Variants in ZBTB38 observed in about 807,000 individuals in gnomAD.
ZBTB38 encodes zinc finger and BTB domain-containing protein 38.
A neutral mutation model predicts 76.8 loss-of-function variants in ZBTB38; 20 were observed. That is an observed-to-expected ratio of 0.26 (90% confidence interval 0.18 to 0.38). The LOEUF is 0.38. Among genes scored for constraint, ZBTB38 ranks in the 10% least tolerant of loss-of-function variants. The pLI, the probability that ZBTB38 is intolerant of heterozygous loss-of-function variation, is 1.00. For synonymous variants in ZBTB38, 504 were observed against 544.2 expected, an observed-to-expected ratio of 0.93 and a Z score of 1.03; for missense variants, 1,082 against 1,482.3, an observed-to-expected ratio of 0.73 and a Z score of 4.43.
chr3:141,443,279 T>C lies in ZBTB38; in HGVS notation c.891T>C (p.Ser297=). Residue 297 remains serine, a synonymous_variant, in exon 6 of 6, where the codon AGT becomes AGC. Coordinates refer to ENST00000321464, the MANE Select transcript of ZBTB38 (RefSeq NM_001376113.1). The surrounding 1 kb of genome is among the most constrained non-coding windows in gnomAD (Gnocchi z 5.6). ...VSNLEVNQER[S]PQPAAVLTRS... Reference sequence around the variant, plus strand: ...ACTTAGAGGTTAATCAAGAAAGAAGTCCACAACCAGCTGCTGTTCTCACTC... The same window carrying C: ...ACTTAGAGGTTAATCAAGAAAGAAGCCCACAACCAGCTGCTGTTCTCACTC... 1 of 1,614,096 alleles carries C rather than the reference T, an allele frequency of 6.2e-7. No individual in the cohort carries two copies. The highest frequency in any genetic ancestry group is 8.5e-7 in the Non-Finnish European group (1 of 1,180,006).
intron 1 of ZBTB38, among the ~76,000 whole-genome samples, chr3:141,347,971 G>T (rs1943412911): frequency 6.6e-6 from 1 of 152,156 alleles, no homozygotes; most frequent in South Asian, 2.1e-4. Context: ...ATTAGACCCT[G>T]ACTGATACAT....
intron 2 of ZBTB38, among the ~76,000 whole-genome samples, chr3:141,371,045 C>CTTTCTTTTTTTTTTTTTTTTTT (rs1944498561): frequency 2.8e-5 from 2 of 72,006 alleles, no homozygotes; most frequent in African/African-American, 1.6e-4. Context: ...TTCTTTCTTT[C>CTTTCTTTTTTTTTTTTTTTTTT]TTTTTTTTTT....
intron 5 of ZBTB38, among the ~76,000 whole-genome samples, chr3:141,422,940 A>G (rs1471270530): frequency 1.3e-5 from 2 of 152,206 alleles, no homozygotes; most frequent in Non-Finnish European, 2.9e-5. Context: ...TACCAAAAAT[A>G]TTAACATATT....
intron 5 of ZBTB38, among the ~76,000 whole-genome samples, chr3:141,416,848 A>G (rs114626934): frequency 0.024 from 3,582 of 152,282 alleles, 68 homozygotes; most frequent in East Asian, 0.058. Context: ...CAGAAACTAG[A>G]AGGGGCAAGG....
chr3:141,401,461 G>C (rs1195144580), intron 4 of ZBTB38, among the ~76,000 whole-genome samples: 1 of 151,952 alleles, frequency 6.6e-6, no homozygotes, highest in Non-Finnish European at 1.5e-5. Context: ...ATGTTTTGTT[G>C]GCTTTATATT....
chr3:141,334,687 A>G (rs1942965458), intron 1 of ZBTB38, among the ~76,000 whole-genome samples: 1 of 151,894 alleles, frequency 6.6e-6, no homozygotes, highest in African/African-American at 2.4e-5. Flanking sequence ...GCCTCTCCCT[A>G]TACCTTCCCC....
chr3:141,402,316 GGCCGGGCCGGCAGAGCCGA>G (rs1952347021), intron 4 of ZBTB38: 1 of 151,890 alleles, frequency 6.6e-6, no homozygotes, highest in Non-Finnish European at 1.5e-5. Context: ...GCCGGGGGCG[GGCCGGGCCGGCAGAGCCGA>G]GCCGCCGGCG....
upstream of ZBTB38, chr3:141,367,153 T>C (rs1257301136): frequency 3.9e-5 from 6 of 152,408 alleles, no homozygotes; most frequent in Admixed American, 3.3e-4. Context: ...AGTGCCGTCA[T>C]GTCCTTCTTC....
chr3:141,342,720 A>G (rs1037671071), intron 1 of ZBTB38, among the ~76,000 whole-genome samples: 2 of 144,234 alleles, frequency 1.4e-5, no homozygotes, highest in Non-Finnish European at 3.0e-5. Flanking sequence ...ATAAGGTCCC[A>G]TGATCTTTTT....
chr3:141,421,816 A>G (rs906957824), intron 5 of ZBTB38, among the ~76,000 whole-genome samples: 2 of 152,220 alleles, frequency 1.3e-5, no homozygotes, highest in African/African-American at 4.8e-5. Flanking sequence ...AAACATCCCA[A>G]GCTCTGGTCA....
At chr3:141,439,888 C>T (rs1273752198) in intron 5 of ZBTB38, among the ~76,000 whole-genome samples, 2 of 152,120 alleles carry the variant, frequency 1.3e-5, no homozygotes, top group African/African-American at 2.4e-5. Context: ...GAAAGGAGAT[C>T]CTACAGGGGC....
At chr3:141,368,073 G>T (rs1196137894), upstream of ZBTB38, among the ~76,000 whole-genome samples, 1 of 152,158 alleles carries the variant, frequency 6.6e-6, no homozygotes, top group East Asian at 1.9e-4. Flanking sequence ...CCACCTTTCC[G>T]CATCTCTTTC....
chr3:141,375,511 T>C (rs1945242240), intron 2 of ZBTB38, among the ~76,000 whole-genome samples: 1 of 152,202 alleles, frequency 6.6e-6, no homozygotes, highest in East Asian at 1.9e-4. Flanking sequence ...CTTGGTCACC[T>C]AATGGGGCCA....
intron 1 of ZBTB38, among the ~76,000 whole-genome samples, chr3:141,369,637 G>A (rs995957523): frequency 2.6e-5 from 4 of 152,246 alleles, no homozygotes; most frequent in African/African-American, 4.8e-5. Flanking sequence ...TCTAGTCTTC[G>A]TATAGCTGAC....
intron 1 of ZBTB38, among the ~76,000 whole-genome samples, chr3:141,341,042 C>T (rs558584979): frequency 3.3e-5 from 5 of 150,546 alleles, no homozygotes; most frequent in South Asian, 2.1e-4. Flanking sequence ...GGTTAATAAG[C>T]GCATGAAAAG....
intron 1 of ZBTB38, among the ~76,000 whole-genome samples, chr3:141,350,579 T>C (rs1943487434): frequency 6.6e-6 from 1 of 152,244 alleles, no homozygotes; most frequent in Admixed American, 6.5e-5. Flanking sequence ...TACATTTTGT[T>C]CTTTCTGGTC....
intron 1 of ZBTB38, among the ~76,000 whole-genome samples, chr3:141,354,727 A>G (rs1943613821): frequency 1.3e-5 from 2 of 152,090 alleles, no homozygotes; most frequent in Admixed American, 1.3e-4. Flanking sequence ...CAGAATACTT[A>G]ACACATTGCT....
At chr3:141,388,119 A>G (rs907864666) in intron 4 of ZBTB38, 1 of 152,072 alleles carries the variant, frequency 6.6e-6, no homozygotes, top group African/African-American at 2.4e-5. Context: ...TTTAAAAAAA[A>G]ATCATATATA....
intron 5 of ZBTB38, chr3:141,432,007 CGT>C (rs2077718829): frequency 1.3e-6 from 1 of 748,262 alleles, no homozygotes; most frequent in Non-Finnish European, 1.6e-6. Flanking sequence ...AGATCTGATG[CGT>C]GTGTTTCTAA....
Sources: gnomAD v4.1 joint callset for allele counts (sites outside exome capture counted in the v4.1 genomes callset) on GRCh38, gnomAD v4.1.1 for gene constraint, Gnocchi (gnomAD v3.1) non-coding constraint, MANE v1.5 for transcripts, NCBI Gene and HGNC (gene_info 2026-07-23, HGNC 2026-07-21) for gene names.